Variants in DRAM1 observed in about 807,000 individuals in gnomAD.
DRAM1 encodes the protein DNA damage regulated autophagy modulator 1.
Under a neutral mutation model 28.5 loss-of-function variants are expected in DRAM1, and 25 were observed. That is an observed-to-expected ratio of 0.88 (90% CI 0.64 to 1.23). DRAM1 has a LOEUF of 1.23. Among genes scored for constraint, DRAM1 ranks in the 50% most tolerant of loss-of-function variants. The probability of loss-of-function intolerance (pLI) is 0.00; values close to 1 mark genes in which losing one functional copy is unlikely to be tolerated. For synonymous variants in DRAM1, 113 were observed against 114.2 expected (o/e 0.99, Z 0.07); for missense variants, 249 against 299.2 (o/e 0.83, Z 1.24).
At chr12:101,889,758 G>C (rs1370753384) in intron 1 of DRAM1, among the ~76,000 whole-genome samples, 1 of 152,060 alleles carries the variant, frequency 6.6e-6, no homozygotes, top group Non-Finnish European at 1.5e-5. Context: ...TGGCCAACAT[G>C]ATGAAACCCC....
At chr12:101,920,297 CTTT>C (rs373899697) in intron 6 of DRAM1, 96 bp downstream of exon 6, 3,620 of 273,218 alleles carry the variant, frequency 0.013, no homozygotes, top group South Asian at 0.018. Flanking sequence ...AGAGCACTTT[CTTT>C]TTTTTTTTTT....
intron 3 of DRAM1, among the ~76,000 whole-genome samples, chr12:101,903,912 A>AAC (rs368288202): frequency 8.2e-6 from 1 of 121,528 alleles, no homozygotes; most frequent in Non-Finnish European, 1.6e-5. Flanking sequence ...TGCCTCTGGA[A>AAC]ACACACACAC....
At chr12:101,886,429 T>A (rs981543053) in intron 1 of DRAM1, among the ~76,000 whole-genome samples, 1 of 152,174 alleles carries the variant, frequency 6.6e-6, no homozygotes, top group African/African-American at 2.4e-5. Context: ...GAACATAGTA[T>A]GTAGAAGCAC....
chr12:101,877,593 A>C lies in DRAM1; in HGVS notation c.-197A>C. On this transcript the variant is annotated 5_prime_UTR_variant, in exon 1 of 7. Coordinates refer to ENST00000258534, the MANE Select transcript of DRAM1 (RefSeq NM_018370.3). This position sits in a 1 kb window ranked among gnomAD's most constrained non-coding sequence, Gnocchi z 4.1. ...CGCGCCCCACCCACTCTGGCCCGGC[A>C]GCCTCGCCGCCCGCAGCCTCGCTCC... 1 of 297,330 alleles carries C rather than the reference A, an allele frequency of 3.4e-6. No homozygotes were observed. The allele number at this position is 297,330 out of a possible 1,614,324, so 18.4% of individuals were successfully genotyped here. A position where few individuals can be genotyped will look rare whatever the true frequency, so the allele number is the denominator to read the frequency against.
At position 101,908,173 on chromosome 12, in the gene DRAM1, AC is replaced by A; in HGVS notation, c.343-12del. 6.3e-7 allele frequency: 1 copy of A among 1,598,940 alleles called. No individual in the cohort carries two copies. On this transcript the variant is annotated splice_polypyrimidine_tract_variant and intron_variant, in intron 3 of 6. Coordinates refer to ENST00000258534, the MANE Select transcript of DRAM1 (RefSeq NM_018370.3). ...CCACCCAGAGTAACACACATTTATG[AC>A]TTTTTCTCCAGGAGTTAGCTGTGCC...
At position 101,913,508 on chromosome 12, in the gene DRAM1, C is replaced by T. The variant is rs184811134; in HGVS notation, c.521-666C>T. On this transcript the variant is annotated intron_variant, in intron 4 of 6. Transcript: ENST00000258534. The stretch of plus-strand genomic sequence containing the variant: ...ATCACCTGAGGTCAGGAGTTCAAGA[C>T]CAGCCTGACCAACATGGAGAAACAC... Among the ~76,000 whole-genome samples, 620 of 151,924 alleles carry T rather than the reference C, an allele frequency of 4.1e-3. 2 individuals are homozygous for T. Among genetic ancestry groups the T allele is most frequent in the Middle Eastern group, 0.014 (4 of 294 alleles).
At chr12:101,891,668 A>G (rs985955582) in intron 1 of DRAM1, among the ~76,000 whole-genome samples, 1 of 152,236 alleles carries the variant, frequency 6.6e-6, no homozygotes, top group African/African-American at 2.4e-5. Context: ...TATACATAAC[A>G]GCCTCAACAG....
At chr12:101,915,056 T>G (rs1050629559) in intron 5 of DRAM1, among the ~76,000 whole-genome samples, 1 of 151,362 alleles carries the variant, frequency 6.6e-6, no homozygotes, top group African/African-American at 2.4e-5. Context: ...CTTGACTCAG[T>G]GCAAGCTCTG....
rs1873305641 is a variant in DRAM1 at position 101,895,187 on chromosome 12, T to TTTTTTTTTTTTTTGTTTTTG, written c.132-2663_132-2662insGTTTTTGTTTTTTTTTTTTT. Among the ~76,000 whole-genome samples the TTTTTTTTTTTTTTGTTTTTG allele has an allele frequency of 2.2e-4, 6 of 26,794 alleles. 1 individual carries two copies. Among genetic ancestry groups the TTTTTTTTTTTTTTGTTTTTG allele is most frequent in the Non-Finnish European group, 4.1e-4 (6 of 14,534 alleles). 17.6% of individuals were successfully genotyped at this position (26,794 alleles called of 152,430 possible). ...AATGCTAAATTCGAAACCCTTCAGG[T>TTTTTTTTTTTTTTGTTTTTG]TTTTTTTTTTTTTTTTTTTTTTTTT... On this transcript the variant is annotated intron_variant, in intron 1 of 6. Coordinates refer to ENST00000258534, the MANE Select transcript of DRAM1 (RefSeq NM_018370.3).
chr12:101,896,202 A>T (rs1424233829), intron 1 of DRAM1, among the ~76,000 whole-genome samples: 1 of 152,180 alleles, frequency 6.6e-6, no homozygotes. Context: ...TAACTTCTTT[A>T]TACTCCAGTT....
chr12:101,912,731 ATT>A (rs10530801), intron 4 of DRAM1, among the ~76,000 whole-genome samples: 30,323 of 128,294 alleles, frequency 0.24, 2,929 homozygotes, highest in Middle Eastern at 0.38. Context: ...TTGGCTCAAC[ATT>A]TTTTTTTTTT....
chr12:101,895,064 A>G (rs1350281143), intron 1 of DRAM1, among the ~76,000 whole-genome samples: 1 of 151,620 alleles, frequency 6.6e-6, no homozygotes, highest in Non-Finnish European at 1.5e-5. Context: ...ACTGGTTCCC[A>G]TTCCTGTCTC....
chr12:101,892,402 A>ATTT (rs748326902), intron 1 of DRAM1, among the ~76,000 whole-genome samples: 3 of 82,700 alleles, frequency 3.6e-5, no homozygotes, highest in Admixed American at 1.2e-4. Flanking sequence ...TGCCAGGCTA[A>ATTT]TTTTTTTTTT....
At chr12:101,887,532 C>CTTTT (rs574383974) in intron 1 of DRAM1, among the ~76,000 whole-genome samples, 2 of 143,840 alleles carry the variant, frequency 1.4e-5, no homozygotes, top group Non-Finnish European at 1.5e-5. Flanking sequence ...AGACTTTTTT[C>CTTTT]TTTTTCTTTT....
intron 1 of DRAM1, among the ~76,000 whole-genome samples, chr12:101,883,606 G>A (rs1217595758): frequency 2.0e-5 from 3 of 147,666 alleles, no homozygotes; most frequent in African/African-American, 7.4e-5. Flanking sequence ...GAGCCACTGC[G>A]CCCCGCATGA....
At chr12:101,895,484 C>A (rs1181647650) in intron 1 of DRAM1, among the ~76,000 whole-genome samples, 1 of 151,322 alleles carries the variant, frequency 6.6e-6, no homozygotes, top group East Asian at 1.9e-4. Context: ...AGCCTAAATC[C>A]TAAACCCTTC....
intron 3 of DRAM1, among the ~76,000 whole-genome samples, chr12:101,907,582 T>A (rs61936570): frequency 0.014 from 2,105 of 151,190 alleles, 37 homozygotes; most frequent in African/African-American, 0.049. Context: ...CTACTAAAAA[T>A]ACAAAAATTA....
chr12:101,919,008 AT>A (rs1874364365), intron 5 of DRAM1, among the ~76,000 whole-genome samples: 1 of 151,810 alleles, frequency 6.6e-6, no homozygotes, highest in African/African-American at 2.4e-5. Flanking sequence ...TGCAACCTCT[AT>A]CCCCCAGGCT....
chr12:101,896,316 A>T (rs1268773658), intron 1 of DRAM1, among the ~76,000 whole-genome samples: 1 of 152,212 alleles, frequency 6.6e-6, no homozygotes, highest in African/African-American at 2.4e-5. Flanking sequence ...TTTCAACGTG[A>T]TCGGTTTTTT....
Sources: allele counts gnomAD v4.1 joint callset (sites outside exome capture counted in the v4.1 genomes callset), GRCh38; gene constraint gnomAD v4.1.1; non-coding constraint Gnocchi (gnomAD v3.1); transcripts MANE v1.5; gene names NCBI Gene and HGNC (gene_info 2026-07-23, HGNC 2026-07-21).